The following CACNA1C variants were observed in gnomAD, a reference collection of about 807,000 sequenced individuals.
CACNA1C encodes calcium voltage-gated channel subunit alpha1 C, also known as voltage-dependent L-type calcium channel subunit alpha-1C.
A neutral mutation model predicts 229.0 loss-of-function variants in CACNA1C; 30 were observed. The ratio of observed to expected loss-of-function variants is 0.13; its 90% CI spans 0.10 to 0.18. The LOEUF (loss-of-function observed/expected upper bound fraction) is 0.18. Among genes scored for constraint, CACNA1C ranks in the 10% least tolerant of loss-of-function variants. CACNA1C has a pLI of 1.00. For synonymous variants in CACNA1C, 1,114 were observed against 1,132.5 expected, an observed-to-expected ratio of 0.98 and a Z score of 0.33; for missense variants, 1,658 against 2,845.0, an observed-to-expected ratio of 0.58 and a Z score of 9.49.
In CACNA1C at chr12:2,275,457, G is replaced by T. The variant is rs1486408599; in HGVS notation, c.477+155027G>T. Reference sequence around the variant, plus strand: ...CTGTACCGCATCGCTCTGTGCATGTGACCTAGCTCTCTCCTGGCCCCCTGT... The same window carrying T: ...CTGTACCGCATCGCTCTGTGCATGTTACCTAGCTCTCTCCTGGCCCCCTGT... On this transcript the variant is annotated intron_variant, in intron 3 of 46. Coordinates refer to ENST00000399655, the MANE Select transcript of CACNA1C (RefSeq NM_000719.7). The surrounding 1 kb of genome is among the most constrained non-coding windows in gnomAD (Gnocchi z 4.1). Among the ~76,000 whole-genome samples, 1 of 152,116 alleles carries T rather than the reference G, an allele frequency of 6.6e-6. No homozygotes were observed. Among genetic ancestry groups the T allele is most frequent in the Non-Finnish European group, 1.5e-5 (1 of 68,032 alleles).
intron 6 of CACNA1C, among the ~76,000 whole-genome samples, chr12:2,490,226 G>A (rs191907326): frequency 6.6e-6 from 1 of 152,226 alleles, no homozygotes; most frequent in East Asian, 1.9e-4. Flanking sequence ...TCCCCTTGAT[G>A]CCATTTTCTT....
chr12:2,178,533 G>A (rs992387114), intron 3 of CACNA1C, among the ~76,000 whole-genome samples: 18 of 152,334 alleles, frequency 1.2e-4, no homozygotes, highest in African/African-American at 3.8e-4. Flanking sequence ...TGTCTGGAGA[G>A]CTGGTCGCTA....
intron 3 of CACNA1C, among the ~76,000 whole-genome samples, chr12:2,444,154 T>C (rs1243659646): frequency 6.6e-6 from 1 of 152,338 alleles, no homozygotes; most frequent in East Asian, 1.9e-4. Context: ...TGGGGATAAG[T>C]GGTACCAGTG....
Position 2,136,131 on chromosome 12 carries a change from T to TC in CACNA1C, c.477+15704dup, listed in dbSNP as rs1332427059. On this transcript the variant is annotated intron_variant, in intron 3 of 46. Transcript: ENST00000399655. ...AGGGAACTCCCTGACCGCTTGCGCT[T>TC]CCCAGGTGAGGCAATGCCTCGCCCT... Among the ~76,000 whole-genome samples the TC allele has an allele frequency of 4.6e-5, 7 of 151,464 alleles. No individual in the cohort carries two copies. The East Asian group carries it at 7.7e-4, about 17-fold the overall frequency.
intron 3 of CACNA1C, among the ~76,000 whole-genome samples, chr12:2,322,570 A>T (rs1424563385): frequency 6.6e-6 from 1 of 152,200 alleles, no homozygotes; most frequent in East Asian, 1.9e-4. Context: ...CAGATGAAAA[A>T]TGAGGCTCTG....
chr12:2,009,240 T>C (rs2043984694), intron 1 of CACNA1C, among the ~76,000 whole-genome samples: 1 of 152,188 alleles, frequency 6.6e-6, no homozygotes. Context: ...GTTTGTAGAA[T>C]GATAAAAAAA....
chr12:2,608,864 T>C lies in CACNA1C; in HGVS notation c.3558+152T>C, dbSNP rs2076415628. Among the ~76,000 whole-genome samples, 1 of 152,240 alleles carries C rather than the reference T, an allele frequency of 6.6e-6. No individual in the cohort carries two copies. The highest frequency in any genetic ancestry group is 1.5e-5 in the Non-Finnish European group (1 of 68,046). On this transcript the variant is annotated intron_variant, in intron 27 of 46. Transcript: ENST00000399655. This position sits in a 1 kb window ranked among gnomAD's most constrained non-coding sequence, Gnocchi z 4.2. ...CAACCAGAGTGGGCTGTCAGTCTTT[T>C]TGAGGGACCTGTGCAAAAGAAATGC...
chr12:2,101,579 C>A (rs149240280), intron 1 of CACNA1C, among the ~76,000 whole-genome samples: 11 of 152,322 alleles, frequency 7.2e-5, no homozygotes, highest in Admixed American at 1.3e-4. Flanking sequence ...TAGGGGCAGC[C>A]TCTGCTGCAG....
chr12:2,509,678 A>T (rs2099779323), intron 8 of CACNA1C, among the ~76,000 whole-genome samples: 1 of 152,164 alleles, frequency 6.6e-6, no homozygotes, highest in African/African-American at 2.4e-5. Context: ...CTTCAGCATT[A>T]TGCTTGGGGC....
chr12:2,052,988 T>A lies in CACNA1C; in HGVS notation c.-575T>A. 1 of 982,628 alleles carries A rather than the reference T, an allele frequency of 1.0e-6. No individual in the cohort carries two copies. The highest frequency in any genetic ancestry group is 1.2e-6 in the Non-Finnish European group (1 of 828,950). 60.9% of individuals were successfully genotyped at this position (982,628 alleles called of 1,614,324 possible). Reference sequence around the variant, plus strand: ...GCGCGGCGCTCTCGCGCGCCCGGTGTCTCCCTCTCGCTGCCTCTGCAGAAA... The same window carrying A: ...GCGCGGCGCTCTCGCGCGCCCGGTGACTCCCTCTCGCTGCCTCTGCAGAAA... On this transcript the variant is annotated 5_prime_UTR_variant, in exon 1 of 47. Transcript: ENST00000399655.
chr12:2,120,656 CTGTGTGTG>C (rs112680750), intron 3 of CACNA1C, among the ~76,000 whole-genome samples: 70 of 139,852 alleles, frequency 5.0e-4, no homozygotes, highest in Admixed American at 1.3e-3. Flanking sequence ...GTGGTGAGCT[CTGTGTGTG>C]TGTGTGTGTG....
chr12:2,280,335 C>T (rs1486617120), intron 3 of CACNA1C, among the ~76,000 whole-genome samples: 6 of 75,832 alleles, frequency 7.9e-5, no homozygotes, highest in South Asian at 1.3e-3. Context: ...CTCTTGATAC[C>T]TTGCTGTGCT....
At chr12:2,610,441 A>G (rs2077153105) in intron 27 of CACNA1C, 100 bp from the exon 28 acceptor site, 2 of 1,210,902 alleles carry the variant, frequency 1.7e-6, no homozygotes, top group Non-Finnish European at 2.3e-6. Context: ...ACCCCACCCC[A>G]CAGTGTGTGG....
chr12:2,525,358 G>C (rs1016982073), intron 9 of CACNA1C, among the ~76,000 whole-genome samples: 5 of 152,178 alleles, frequency 3.3e-5, no homozygotes, highest in Non-Finnish European at 5.9e-5. Context: ...CTGGGATAGG[G>C]TCCTAAGGGC....
At chr12:2,452,477 C>T (rs2099387880) in intron 4 of CACNA1C, among the ~76,000 whole-genome samples, 2 of 152,170 alleles carry the variant, frequency 1.3e-5, no homozygotes, top group Admixed American at 6.5e-5. Flanking sequence ...CACAGCCTCA[C>T]GGTCCTTTTC....
At chr12:2,683,431 G>A (rs149933687) in intron 43 of CACNA1C, among the ~76,000 whole-genome samples, 45 of 152,342 alleles carry the variant, frequency 3.0e-4, no homozygotes, top group African/African-American at 1.1e-3. Flanking sequence ...TTGAGACACA[G>A]TGTTTCCGAA....
intron 3 of CACNA1C, among the ~76,000 whole-genome samples, chr12:2,309,459 A>G (rs1180122021): frequency 6.6e-6 from 1 of 151,954 alleles, no homozygotes; most frequent in African/African-American, 2.4e-5. Context: ...AAGAAAGTAG[A>G]TCTTAAGGCC....
At chr12:2,085,286 C>T (rs2067159115) in intron 1 of CACNA1C, among the ~76,000 whole-genome samples, 1 of 152,202 alleles carries the variant, frequency 6.6e-6, no homozygotes, top group African/African-American at 2.4e-5. Context: ...AAGGCAATGT[C>T]AACCTTTTCC....
At chr12:2,499,570 G>T (rs1042977880) in intron 7 of CACNA1C, among the ~76,000 whole-genome samples, 4 of 152,180 alleles carry the variant, frequency 2.6e-5, no homozygotes, top group Admixed American at 6.5e-5. Context: ...TTAGATGCTG[G>T]TTGCCGAAAG....
Sources: gnomAD v4.1 joint callset for allele counts (sites outside exome capture counted in the v4.1 genomes callset) on GRCh38, gnomAD v4.1.1 for gene constraint, Gnocchi (gnomAD v3.1) non-coding constraint, MANE v1.5 for transcripts, NCBI Gene and HGNC (gene_info 2026-07-23, HGNC 2026-07-21) for gene names.